MRPS5: variants seen among roughly 807,000 people sequenced by gnomAD.
MRPS5 encodes the protein mitochondrial ribosomal protein S5.
MRPS5 carries 27 observed loss-of-function variants against 51.9 expected under a neutral mutation model. The ratio of observed to expected loss-of-function variants is 0.52; its 90% CI spans 0.38 to 0.72. MRPS5 has a LOEUF of 0.72. Ranked by LOEUF, MRPS5 falls within the 30% of genes least tolerant of loss-of-function variation. The pLI is 0.00. For synonymous variants in MRPS5, 196 were observed against 193.2 expected, an observed-to-expected ratio of 1.01 and a Z score of -0.12; for missense variants, 570 against 545.7, an observed-to-expected ratio of 1.04 and a Z score of -0.44.
rs1558682483 is a variant in MRPS5, at chr2:95,105,853, T to C, written c.672+570A>G. On this transcript the variant is annotated intron_variant, in intron 6 of 11. Coordinates refer to ENST00000272418, the MANE Select transcript of MRPS5 (RefSeq NM_031902.5). ...GAGGCTCAATCACAAACTCAATAAA[T>C]GGTTATTCCACATGGTATTTAACAC... 2.6e-5 allele frequency among the ~76,000 whole-genome samples: 4 copies of C among 152,342 alleles called. No homozygotes were observed. In the East Asian group the frequency reaches 5.8e-4, roughly 22 times the overall value.
At chr2:95,103,499 T>A (rs1242532323) in intron 7 of MRPS5, among the ~76,000 whole-genome samples, 1 of 152,170 alleles carries the variant, frequency 6.6e-6, no homozygotes, top group Non-Finnish European at 1.5e-5. Flanking sequence ...TGATGCAACC[T>A]TTTGTGGGGA....
intron 2 of MRPS5, among the ~76,000 whole-genome samples, chr2:95,117,616 T>C (rs1449992458): frequency 6.6e-6 from 1 of 151,068 alleles, no homozygotes. Flanking sequence ...AATTGTTATT[T>C]AGTTACTATT....
chr2:95,091,449 A>T (rs1192233869), intron 10 of MRPS5: 1 of 152,344 alleles, frequency 6.6e-6, no homozygotes, highest in East Asian at 1.9e-4. Context: ...TAGGGCACTC[A>T]ACGAAACCTG....
At chr2:95,103,519 G>T (rs1675861533) in intron 7 of MRPS5, among the ~76,000 whole-genome samples, 1 of 152,182 alleles carries the variant, frequency 6.6e-6, no homozygotes, top group African/African-American at 2.4e-5. Flanking sequence ...AGGCAATCTA[G>T]GAATATTTAT....
At chr2:95,118,598 C>T (rs1231206245) in intron 1 of MRPS5, among the ~76,000 whole-genome samples, 1 of 152,248 alleles carries the variant, frequency 6.6e-6, no homozygotes, top group African/African-American at 2.4e-5. Flanking sequence ...CCTGATCCTA[C>T]AATGTTCCCC....
intron 5 of MRPS5, among the ~76,000 whole-genome samples, chr2:95,107,250 G>T (rs1449396439): frequency 6.6e-6 from 1 of 152,000 alleles, no homozygotes; most frequent in East Asian, 1.9e-4. Flanking sequence ...CTACCTTTTC[G>T]TAAAGAAATA....
At chr2:95,113,784 G>A (rs564020754) in intron 3 of MRPS5, among the ~76,000 whole-genome samples, 3 of 152,038 alleles carry the variant, frequency 2.0e-5, no homozygotes, top group African/African-American at 4.8e-5. Flanking sequence ...TGGTCATAAC[G>A]TCGCACTGCA....
chr2:95,114,320 C>T (rs898535198), intron 3 of MRPS5, among the ~76,000 whole-genome samples: 3 of 150,750 alleles, frequency 2.0e-5, no homozygotes, highest in Non-Finnish European at 4.4e-5. Flanking sequence ...TGCAGTGGCA[C>T]GATCTCAGCT....
intron 7 of MRPS5, among the ~76,000 whole-genome samples, chr2:95,102,898 A>G (rs1302033079): frequency 6.6e-6 from 1 of 152,238 alleles, no homozygotes; most frequent in Non-Finnish European, 1.5e-5. Flanking sequence ...TTGTTTTTAA[A>G]TTATACATGG....
chr2:95,103,775 G>A (rs1029105823), intron 7 of MRPS5: 3 of 152,128 alleles, frequency 2.0e-5, no homozygotes, highest in East Asian at 1.9e-4. Flanking sequence ...GTTAATCTGA[G>A]TATTAATATC....
At chr2:95,112,513 C>G (rs1676152160) in intron 3 of MRPS5, among the ~76,000 whole-genome samples, 1 of 152,212 alleles carries the variant, frequency 6.6e-6, no homozygotes. Flanking sequence ...GGATCCTCTA[C>G]AGAAAACAGA....
chr2:95,087,673 G>C (rs1198637110), intron 11 of MRPS5, 92 bp from the exon 12 acceptor site: 2 of 1,097,096 alleles, frequency 1.8e-6, no homozygotes, highest in South Asian at 3.2e-5. Context: ...AGTACAGCCT[G>C]GGGGTATTCA....
Position 95,086,531 on chromosome 2 carries a change from C to A in MRPS5, c.*826G>T, listed in dbSNP as rs184530004. Among the ~76,000 whole-genome samples, 3 of 152,022 alleles carry A rather than the reference C, an allele frequency of 2.0e-5. No individual in the cohort carries two copies. The highest frequency in any genetic ancestry group is 2.9e-5 in the Non-Finnish European group (2 of 68,006). On this transcript the variant is annotated 3_prime_UTR_variant, in exon 12 of 12. Transcript: ENST00000272418. ...AACAGACTGGAAAAAAAATAAACAG[C>A]GCCTCAGGGACTCACGGGACAATAG...
Position 95,104,678 on chromosome 2 carries a change from C to T in MRPS5, c.725G>A (p.Arg242His), listed in dbSNP as rs754471489. The change falls in exon 7 of 12, where the codon CGT (arginine) becomes CAT (histidine). Residue 242 changes from arginine to histidine, a missense_variant. Physicochemically the swap from Arg to His is conservative, Grantham distance 29. Coordinates refer to ENST00000272418, the MANE Select transcript of MRPS5 (RefSeq NM_031902.5). Reference sequence around the variant, plus strand: ...TCCGTTCCCCACAGCCACCAAGACACGGATCGATTTCTTTCTTCCCTCTTT... The same window carrying T: ...TCCGTTCCCCACAGCCACCAAGACATGGATCGATTTCTTTCTTCCCTCTTT... The part of the protein sequence containing the change: ...TAKEGRKKSI[R>H]VLVAVGNGKG... The T allele has an allele frequency of 3.1e-6, 5 of 1,614,180 alleles. No individual in the cohort carries two copies. The highest frequency in any genetic ancestry group is 2.5e-6 in the Non-Finnish European group (3 of 1,180,016).
At chr2:95,112,735 T>A (rs1462849376) in intron 3 of MRPS5, among the ~76,000 whole-genome samples, 2 of 152,180 alleles carry the variant, frequency 1.3e-5, no homozygotes, top group Non-Finnish European at 2.9e-5. Flanking sequence ...CCAGGAGCAG[T>A]GGCTCACGCC....
intron 4 of MRPS5, among the ~76,000 whole-genome samples, chr2:95,109,424 C>T (rs190600274): frequency 6.6e-6 from 1 of 152,154 alleles, no homozygotes; most frequent in Non-Finnish European, 1.5e-5. Flanking sequence ...CAAACTAAGG[C>T]CCACAGGCCA....
chr2:95,109,536 G>A (rs1357582037), intron 4 of MRPS5, among the ~76,000 whole-genome samples: 2 of 152,262 alleles, frequency 1.3e-5, no homozygotes, highest in Non-Finnish European at 2.9e-5. Context: ...TACAACAGTA[G>A]AGTTGAGCAG....
chr2:95,094,816 C>T (rs1422551502), intron 10 of MRPS5, among the ~76,000 whole-genome samples: 1 of 152,146 alleles, frequency 6.6e-6, no homozygotes, highest in African/African-American at 2.4e-5. Flanking sequence ...GAAGAAACTG[C>T]ATCAACTAAT....
At chr2:95,101,568 A>T in intron 8 of MRPS5, 109 bp downstream of exon 8, 2 of 829,980 alleles carry the variant, frequency 2.4e-6, no homozygotes, top group Non-Finnish European at 3.7e-6. Context: ...AGCAAGCCTC[A>T]TGGGAAGGTT....
Sources: allele counts gnomAD v4.1 joint callset (sites outside exome capture counted in the v4.1 genomes callset), GRCh38; gene constraint gnomAD v4.1.1; transcripts MANE v1.5; gene names NCBI Gene and HGNC (gene_info 2026-07-23, HGNC 2026-07-21).